The following EYS variants were observed in gnomAD, a reference collection of about 807,000 sequenced individuals.
EYS encodes protein eyes shut homolog.
In EYS, 250 loss-of-function variants were observed where a neutral mutation model predicts 282.1. The observed-to-expected ratio is 0.89, with a 90% CI of 0.80 to 0.98. EYS has a LOEUF of 0.98. Ranked by LOEUF, EYS falls within the 50% of genes least tolerant of loss-of-function variation. The pLI, the probability that EYS is intolerant of heterozygous loss-of-function variation, is 0.00. For missense variants in EYS, 4,016 were observed against 3,709.0 expected, an observed-to-expected ratio of 1.08 and a Z score of -2.15; for synonymous variants, 1,355 against 1,282.9, an observed-to-expected ratio of 1.06 and a Z score of -1.20.
intron 22 of EYS, among the ~76,000 whole-genome samples, chr6:64,672,363 T>TC (rs1215820354): frequency 6.6e-6 from 1 of 152,098 alleles, no homozygotes; most frequent in Admixed American, 6.6e-5. Context: ...TTCTCTTTTT[T>TC]CCCCTGTCAT....
chr6:65,136,223 C>A (rs1429236583), intron 12 of EYS, among the ~76,000 whole-genome samples: 4 of 151,468 alleles, frequency 2.6e-5, no homozygotes, highest in Non-Finnish European at 5.9e-5. Flanking sequence ...AAGAAGTAAG[C>A]CATAGAGGGA....
At position 64,000,168 on chromosome 6, in the gene EYS, C is replaced by CTTTTTTTT. The variant is rs71551553; in HGVS notation, c.6726-993_6726-986dup. The stretch of plus-strand genomic sequence containing the variant: ...CTGAGGAGTTTCCCAAGACATGGGA[C>CTTTTTTTT]TTTTTTTTTTTTTTTTTTTTTTTTT... On this transcript the variant is annotated intron_variant, in intron 33 of 42. Coordinates refer to ENST00000503581, the MANE Select transcript of EYS (RefSeq NM_001142800.2). 7.0e-4 allele frequency among the ~76,000 whole-genome samples: 30 copies of CTTTTTTTT among 42,722 alleles called. 7 individuals are homozygous for CTTTTTTTT. The highest frequency in any genetic ancestry group is 8.3e-4 in the Non-Finnish European group (19 of 22,772). The allele number at this position is 42,722 out of a possible 152,430, so 28.0% of individuals were successfully genotyped here.
At chr6:63,985,785 G>T (rs1335957691) in intron 34 of EYS, among the ~76,000 whole-genome samples, 1 of 151,484 alleles carries the variant, frequency 6.6e-6, no homozygotes, top group African/African-American at 2.4e-5. Context: ...AGCACAAGAT[G>T]GATTACTTAA....
intron 5 of EYS, among the ~76,000 whole-genome samples, chr6:65,413,234 T>C (rs1767096132): frequency 6.6e-6 from 1 of 152,160 alleles, no homozygotes; most frequent in South Asian, 2.1e-4. Context: ...GCAATTAAAA[T>C]AATACTTTAA....
intron 33 of EYS, among the ~76,000 whole-genome samples, chr6:64,032,993 G>A (rs1249460628): frequency 1.3e-5 from 2 of 152,188 alleles, no homozygotes; most frequent in African/African-American, 4.8e-5. Flanking sequence ...GACTTCAAGA[G>A]TCTTAGAAGC....
At chr6:64,597,086 T>C (rs529560925) in intron 24 of EYS, among the ~76,000 whole-genome samples, 1 of 152,064 alleles carries the variant, frequency 6.6e-6, no homozygotes, top group South Asian at 2.1e-4. Context: ...AAAGAAGACA[T>C]ACAAATGGCC....
intron 12 of EYS, among the ~76,000 whole-genome samples, chr6:65,101,327 G>T (rs775027911): frequency 6.6e-6 from 1 of 151,142 alleles, no homozygotes; most frequent in Non-Finnish European, 1.5e-5. Flanking sequence ...AATATAGTTG[G>T]TACCTTGTAA....
intron 12 of EYS, among the ~76,000 whole-genome samples, chr6:65,086,833 T>G (rs919203168): frequency 5.7e-5 from 8 of 140,128 alleles, no homozygotes; most frequent in East Asian, 4.0e-4. Flanking sequence ...TATATGTGGG[T>G]TTTTTTTTTT....
intron 35 of EYS, among the ~76,000 whole-genome samples, chr6:63,884,972 G>A (rs1185542493): frequency 6.6e-6 from 1 of 152,094 alleles, no homozygotes. Flanking sequence ...TAATGGGTAG[G>A]TGGAGTGTTT....
intron 12 of EYS, among the ~76,000 whole-genome samples, chr6:65,261,302 T>C (rs952227327): frequency 1.3e-5 from 2 of 151,910 alleles, no homozygotes; most frequent in Non-Finnish European, 2.9e-5. Context: ...AATATATATA[T>C]ACACACACAA....
At chr6:64,665,735 A>G (rs1253945932) in intron 22 of EYS, among the ~76,000 whole-genome samples, 4 of 152,072 alleles carry the variant, frequency 2.6e-5, no homozygotes, top group Non-Finnish European at 4.4e-5. Flanking sequence ...TCTTTTTTCC[A>G]TACTGAGTTC....
At chr6:64,828,904 G>A (rs1765136308) in intron 19 of EYS, among the ~76,000 whole-genome samples, 1 of 151,974 alleles carries the variant, frequency 6.6e-6, no homozygotes, top group Admixed American at 6.6e-5. Context: ...GTATAAACTG[G>A]AAATGGATTG....
chr6:64,894,104 G>A (rs1417496153), intron 18 of EYS, among the ~76,000 whole-genome samples: 1 of 151,972 alleles, frequency 6.6e-6, no homozygotes, highest in African/African-American at 2.4e-5. Flanking sequence ...AAATATTTAA[G>A]TGATATACTT....
chr6:64,204,110 C>T (rs1294465990), intron 31 of EYS, among the ~76,000 whole-genome samples: 1 of 152,078 alleles, frequency 6.6e-6, no homozygotes, highest in Non-Finnish European at 1.5e-5. Flanking sequence ...AAATAAACTA[C>T]AGCATGTAAT....
At chr6:64,887,515 T>G (rs1458755973) in intron 18 of EYS, among the ~76,000 whole-genome samples, 3 of 152,066 alleles carry the variant, frequency 2.0e-5, no homozygotes, top group African/African-American at 7.2e-5. Context: ...AAAATATCTC[T>G]TCATAGTTTT....
At chr6:65,079,897 T>G (rs1231196551) in intron 12 of EYS, among the ~76,000 whole-genome samples, 1 of 152,138 alleles carries the variant, frequency 6.6e-6, no homozygotes, top group Non-Finnish European at 1.5e-5. Context: ...TTGATGGGGC[T>G]TGAAAGACAG....
rs377459471 is a variant in EYS, at chr6:63,840,211, C to CTTATTATTATTATTA, written c.7228+23960_7228+23974dup. 9.2e-3 allele frequency among the ~76,000 whole-genome samples: 1,292 copies of CTTATTATTATTATTA among 140,444 alleles called. 10 individuals carry two copies. The highest frequency in any genetic ancestry group is 0.019 in the African/African-American group (738 of 38,028). 92.1% of individuals were successfully genotyped at this position (140,444 alleles called of 152,430 possible). A position where few individuals can be genotyped will look rare whatever the true frequency, so the allele number is the denominator to read the frequency against. On this transcript the variant is annotated intron_variant, in intron 36 of 42. Coordinates refer to ENST00000503581, the MANE Select transcript of EYS (RefSeq NM_001142800.2). Reference sequence around the variant, plus strand: ...TACAGTTGCCTGCCACCATGCCCATCTTATTATTATTATTATTATTATTAT... The same window carrying CTTATTATTATTATTA: ...TACAGTTGCCTGCCACCATGCCCATCTTATTATTATTATTATTATTATTATTATTATTATTATTAT...
chr6:64,273,606 T>C (rs1168514870), intron 30 of EYS, among the ~76,000 whole-genome samples: 1 of 152,162 alleles, frequency 6.6e-6, no homozygotes, highest in Non-Finnish European at 1.5e-5. Context: ...TACAGCTCCT[T>C]CTTCCTCTTG....
chr6:65,482,621 T>A (rs1340889511), intron 5 of EYS, among the ~76,000 whole-genome samples: 1 of 152,220 alleles, frequency 6.6e-6, no homozygotes, highest in Admixed American at 6.5e-5. Context: ...AATGGAGAAA[T>A]ATGTACTTTA....
Sources: gnomAD v4.1 joint callset for allele counts (sites outside exome capture counted in the v4.1 genomes callset) on GRCh38, gnomAD v4.1.1 for gene constraint, MANE v1.5 for transcripts, NCBI Gene and HGNC (gene_info 2026-07-23, HGNC 2026-07-21) for gene names.